PKD2: variants seen among roughly 807,000 people sequenced by gnomAD.
The protein encoded by PKD2 is polycystin 2, transient receptor potential cation channel.
Under a neutral mutation model 105.9 loss-of-function variants are expected in PKD2, and 48 were observed. The observed-to-expected ratio is 0.45, with a 90% CI of 0.36 to 0.58. The LOEUF (loss-of-function observed/expected upper bound fraction) is 0.58, where lower values mean the gene tolerates loss of function less well. PKD2 is among the 20% of genes least tolerant of loss of function. The pLI, the probability that PKD2 is intolerant of heterozygous loss-of-function variation, is 0.00. For missense variants in PKD2, 1,078 were observed against 1,255.3 expected (o/e 0.86, Z 2.13); for synonymous variants, 464 against 481.1 (o/e 0.96, Z 0.46).
intron 2 of PKD2, 94 bp from the exon 3 acceptor site, chr4:88,036,124 GTT>G: frequency 1.2e-6 from 2 of 1,605,478 alleles, no homozygotes; most frequent in South Asian, 2.2e-5. Flanking sequence ...TGTCCAAAAT[GTT>G]TATCCACAGG....
chr4:88,029,923 G>T (rs1329346240), intron 2 of PKD2, among the ~76,000 whole-genome samples: 1 of 152,198 alleles, frequency 6.6e-6, no homozygotes, highest in African/African-American at 2.4e-5. Flanking sequence ...AAGATGGAAA[G>T]GTGACCAGGG....
chr4:88,048,919 T>TTGTTC (rs1307565810), intron 6 of PKD2, among the ~76,000 whole-genome samples: 52 of 152,344 alleles, frequency 3.4e-4, no homozygotes, highest in Middle Eastern at 3.4e-3. Context: ...ACATTGACAA[T>TTGTTC]TATTCCAGAA....
chr4:88,061,703 A>C (rs1282129518), intron 9 of PKD2, among the ~76,000 whole-genome samples: 1 of 151,898 alleles, frequency 6.6e-6, no homozygotes, highest in Admixed American at 6.6e-5. Flanking sequence ...GCGCCCCTGC[A>C]CTCCAGCCTG....
Position 88,026,568 on chromosome 4 carries a change from A to G in PKD2, c.709+6997A>G, listed in dbSNP as rs146606441. Among the ~76,000 whole-genome samples the G allele has an allele frequency of 6.0e-4, 92 of 152,332 alleles. 1 individual carries two copies. Among genetic ancestry groups the G allele is most frequent in the Middle Eastern group, 3.4e-3 (1 of 294 alleles). ...GTTTGCAGCCTGACCATGTGGTAGAAAAGAAAAACCCATTTTCTGGGGAGA... is the reference window on the plus strand; with the variant it reads ...GTTTGCAGCCTGACCATGTGGTAGAGAAGAAAAACCCATTTTCTGGGGAGA... On this transcript the variant is annotated intron_variant, in intron 2 of 14. Transcript: ENST00000237596.
chr4:88,024,457 G>GAAAAAAAAA (rs552942631), intron 2 of PKD2, among the ~76,000 whole-genome samples: 217 of 50,290 alleles, frequency 4.3e-3, no homozygotes, highest in African/African-American at 5.2e-3. Flanking sequence ...ACTCTGTCTC[G>GAAAAAAAAA]AAAAAAAAAA....
intron 6 of PKD2, among the ~76,000 whole-genome samples, chr4:88,047,644 A>G (rs528590927): frequency 6.6e-6 from 1 of 152,254 alleles, no homozygotes; most frequent in Non-Finnish European, 1.5e-5. Context: ...TTTTCTGCAA[A>G]TAGTCTGCAG....
intron 7 of PKD2, among the ~76,000 whole-genome samples, chr4:88,054,736 C>G (rs1268855403): frequency 6.8e-6 from 1 of 147,238 alleles, no homozygotes; most frequent in Non-Finnish European, 1.5e-5. Flanking sequence ...CTCACTGCAA[C>G]CTCCGTCTCC....
intron 13 of PKD2, among the ~76,000 whole-genome samples, chr4:88,073,988 A>G (rs530019809): frequency 6.6e-6 from 1 of 152,286 alleles, no homozygotes; most frequent in African/African-American, 2.4e-5. Flanking sequence ...TGCTGTTTTC[A>G]TACTGTTTTT....
At position 88,065,473 on chromosome 4, in the gene PKD2, G is replaced by A. The variant is rs770308463; in HGVS notation, c.2218G>A (p.Glu740Lys). ...AGGAGGAGGCAAGTTAAACTTTGAC[G>A]AACTTCGACAAGATCTCAAAGGGTG... ...RQGGGKLNFD[E>K]LRQDLKGKGH... is the part of the protein sequence containing the mutation. Residue 740 changes from glutamate to lysine, a missense_variant, in exon 11 of 15, where the codon GAA becomes AAA. Transcript: ENST00000237596. 8.1e-6 allele frequency: 13 copies of A among 1,613,560 alleles called. No homozygotes were observed. Among genetic ancestry groups the A allele is most frequent in the African/African-American group, 5.3e-5 (4 of 74,886 alleles).
chr4:88,040,136 A>C (rs1320057268), intron 4 of PKD2, among the ~76,000 whole-genome samples: 2 of 152,184 alleles, frequency 1.3e-5, no homozygotes, highest in East Asian at 1.9e-4. Context: ...AGATGAAAAA[A>C]CTGAGGCTCA....
intron 1 of PKD2, among the ~76,000 whole-genome samples, chr4:88,008,872 T>C (rs114725818): frequency 7.5e-4 from 114 of 152,310 alleles, no homozygotes; most frequent in African/African-American, 2.7e-3. Context: ...TTTGGTGATG[T>C]GTGTGGTTGT....
chr4:88,063,180 C>G (rs1009712551), intron 10 of PKD2, among the ~76,000 whole-genome samples: 6 of 152,002 alleles, frequency 3.9e-5, no homozygotes, highest in Middle Eastern at 3.2e-3. Context: ...AATTCACAAA[C>G]AAAGAAAGCA....
chr4:88,056,830 A>G (rs1186814776), intron 8 of PKD2, among the ~76,000 whole-genome samples: 1 of 152,180 alleles, frequency 6.6e-6, no homozygotes, highest in Non-Finnish European at 1.5e-5. Flanking sequence ...TTGTGCATAG[A>G]TATCTCGAAT....
At chr4:88,016,890 C>T (rs528328047) in intron 1 of PKD2, among the ~76,000 whole-genome samples, 6 of 150,992 alleles carry the variant, frequency 4.0e-5, no homozygotes, top group South Asian at 2.1e-4. Context: ...TGTTTGAGCC[C>T]GGGTGGTCAA....
intron 10 of PKD2, among the ~76,000 whole-genome samples, chr4:88,065,126 T>C (rs1720739869): frequency 6.6e-6 from 1 of 152,190 alleles, no homozygotes. Flanking sequence ...TAAACTTGAA[T>C]ACACATATGA....
At chr4:88,030,614 A>G (rs1264248084) in intron 2 of PKD2, among the ~76,000 whole-genome samples, 3 of 152,116 alleles carry the variant, frequency 2.0e-5, no homozygotes, top group African/African-American at 7.2e-5. Flanking sequence ...ATTCCTCCTC[A>G]TCCTTCAAAA....
At chr4:88,021,055 A>T (rs1726730446) in intron 2 of PKD2, among the ~76,000 whole-genome samples, 1 of 152,232 alleles carries the variant, frequency 6.6e-6, no homozygotes, top group South Asian at 2.1e-4. Flanking sequence ...TGCCTGCATT[A>T]AAATGATGCT....
At position 88,019,573 on chromosome 4, in the gene PKD2, TA is replaced by T; in HGVS notation, c.709+4del. The T allele has an allele frequency of 7.1e-7, 1 of 1,409,918 alleles. No homozygotes were observed. The highest frequency in any genetic ancestry group is 1.1e-5 in the South Asian group (1 of 86,978). 87.3% of individuals were successfully genotyped at this position (1,409,918 alleles called of 1,614,324 possible). On this transcript the variant is annotated splice_donor_region_variant and intron_variant, in intron 2 of 14. Coordinates refer to ENST00000237596, the MANE Select transcript of PKD2 (RefSeq NM_000297.4). ...TTTTTCTCATAGTCTTGTGCATCTGTAAGTAGAATATTTCCTTGCACTAATG... is the reference window on the plus strand; with the variant it reads ...TTTTTCTCATAGTCTTGTGCATCTGTAGTAGAATATTTCCTTGCACTAATG...
At chr4:88,016,381 A>G (rs1434599299) in intron 1 of PKD2, among the ~76,000 whole-genome samples, 1 of 152,236 alleles carries the variant, frequency 6.6e-6, no homozygotes, top group Non-Finnish European at 1.5e-5. Context: ...CACCACAACT[A>G]GAACAGCTAT....
Sources: gnomAD v4.1 joint callset for allele counts (sites outside exome capture counted in the v4.1 genomes callset) on GRCh38, gnomAD v4.1.1 for gene constraint, MANE v1.5 for transcripts, NCBI Gene and HGNC (gene_info 2026-07-23, HGNC 2026-07-21) for gene names.